The following FAT3 variants were observed in gnomAD, a reference collection of about 807,000 sequenced individuals.
FAT3 encodes the protein protocadherin Fat 3.
FAT3 carries 95 observed loss-of-function variants against 310.2 expected under a neutral mutation model. The ratio of observed to expected loss-of-function variants is 0.31; its 90% CI spans 0.26 to 0.36. The LOEUF is 0.36. Among genes scored for constraint, FAT3 ranks in the 10% least tolerant of loss-of-function variants. The pLI is 1.00. For synonymous variants in FAT3, 2,314 were observed against 2,192.9 expected, an observed-to-expected ratio of 1.06 and a Z score of -1.54; for missense variants, 5,408 against 5,715.6, an observed-to-expected ratio of 0.95 and a Z score of 1.74.
At chr11:92,290,005 C>G (rs1291133096) in intron 1 of FAT3, among the ~76,000 whole-genome samples, 1 of 152,138 alleles carries the variant, frequency 6.6e-6, no homozygotes, top group Non-Finnish European at 1.5e-5. Flanking sequence ...TTTTGACACA[C>G]TGTCCCCTCT....
intron 3 of FAT3, among the ~76,000 whole-genome samples, chr11:92,578,590 G>A (rs1938616230): frequency 1.3e-5 from 2 of 152,110 alleles, no homozygotes; most frequent in African/African-American, 4.8e-5. Context: ...TTTGATAATG[G>A]ACTGCAAATT....
chr11:92,514,540 G>A (rs1031632883), intron 2 of FAT3, among the ~76,000 whole-genome samples: 14 of 152,120 alleles, frequency 9.2e-5, no homozygotes, highest in African/African-American at 2.9e-4. Flanking sequence ...TTTTCACTGA[G>A]CAGTACTACC....
Position 92,850,939 on chromosome 11 carries a change from A to C in FAT3, c.11365+6207A>C, listed in dbSNP as rs1948813616. Among the ~76,000 whole-genome samples, 4 of 152,224 alleles carry C rather than the reference A, an allele frequency of 2.6e-5. No individual in the cohort carries two copies. The South Asian group carries it at 8.3e-4, about 32-fold the overall frequency. Reference sequence around the variant, plus strand: ...GAATTGCCTGTTGTCACCTCTACAGAAAGTGACCTAAATTTCCACCTGAGC... The same window carrying C: ...GAATTGCCTGTTGTCACCTCTACAGCAAGTGACCTAAATTTCCACCTGAGC... On this transcript the variant is annotated intron_variant, in intron 19 of 27. Transcript: ENST00000525166.
intron 7 of FAT3, among the ~76,000 whole-genome samples, chr11:92,783,627 C>T (rs1434543003): frequency 3.3e-5 from 5 of 151,420 alleles, no homozygotes; most frequent in Admixed American, 1.3e-4. Context: ...GGTAACATAG[C>T]GAGGACTCAT....
At chr11:92,293,066 AAGGAAGGAAGGAAAGAAG>A (rs1219485943) in intron 1 of FAT3, among the ~76,000 whole-genome samples, 9 of 144,004 alleles carry the variant, frequency 6.2e-5, no homozygotes, top group African/African-American at 1.9e-4. Flanking sequence ...GGAAGGAAGG[AAGGAAGGAAGGAAAGAAG>A]GAAGGAAGGA....
At chr11:92,876,730 T>C (rs547268532) in intron 22 of FAT3, among the ~76,000 whole-genome samples, 2 of 152,244 alleles carry the variant, frequency 1.3e-5, no homozygotes, top group African/African-American at 4.8e-5. Flanking sequence ...TGTGAACCTA[T>C]GAACACACAA....
chr11:92,731,749 G>A (rs1373031662), intron 4 of FAT3, among the ~76,000 whole-genome samples: 1 of 151,518 alleles, frequency 6.6e-6, no homozygotes, highest in Non-Finnish European at 1.5e-5. Flanking sequence ...CAAGGGCACA[G>A]TTAGCTATGC....
intron 3 of FAT3, among the ~76,000 whole-genome samples, chr11:92,648,135 T>A (rs1004851149): frequency 6.6e-6 from 1 of 152,178 alleles, no homozygotes; most frequent in African/African-American, 2.4e-5. Context: ...TCATGCTCTA[T>A]TCCTATGACA....
chr11:92,845,000 G>A (rs545660356), intron 19 of FAT3, among the ~76,000 whole-genome samples: 66 of 152,224 alleles, frequency 4.3e-4, no homozygotes, highest in East Asian at 1.4e-3. Context: ...GGAGGACCCA[G>A]CCGATAGGGA....
intron 2 of FAT3, among the ~76,000 whole-genome samples, chr11:92,399,676 G>A (rs1363784434): frequency 6.6e-6 from 1 of 152,116 alleles, no homozygotes; most frequent in Non-Finnish European, 1.5e-5. Context: ...ATGGGCATGG[G>A]TTCGTATTTT....
At chr11:92,740,114 T>A (rs923303830) in intron 4 of FAT3, among the ~76,000 whole-genome samples, 2 of 152,200 alleles carry the variant, frequency 1.3e-5, no homozygotes, top group African/African-American at 2.4e-5. Flanking sequence ...TTGATCATGA[T>A]AATAACACTC....
chr11:92,314,978 G>T (rs984671867), intron 1 of FAT3, among the ~76,000 whole-genome samples: 2 of 151,908 alleles, frequency 1.3e-5, no homozygotes, highest in Middle Eastern at 3.4e-3. Flanking sequence ...ATGGTACCTG[G>T]GTATGTCAGC....
At position 92,890,815 on chromosome 11, in the gene FAT3, G is replaced by A. The variant is rs761581116; in HGVS notation, c.13472G>A (p.Ser4491Asn). The stretch of plus-strand genomic sequence containing the variant: ...AGGAGAAGGCCCCAGTTTCATCCTA[G>A]CCAGTATCTCCCTCCTCACCCATTC... The part of the protein sequence containing the change: ...DCRRRPQFHP[S>N]QYLPPHPFPN... The change falls in exon 28 of 28, where the codon AGC becomes AAC. Residue 4491 changes from serine to asparagine, a missense_variant. Physicochemically the swap from Ser to Asn is conservative, Grantham distance 46. This residue lies in a region of FAT3 where 649 missense variants were observed against 666.2 expected (regional missense o/e 0.97). Transcript: ENST00000525166. The A allele has an allele frequency of 6.2e-7, 1 of 1,613,388 alleles. No homozygotes were observed. The highest frequency in any genetic ancestry group is 1.3e-5 in the African/African-American group (1 of 74,728).
At position 92,834,002 on chromosome 11, in the gene FAT3, G is replaced by T. The variant is rs187922979; in HGVS notation, c.9872-868G>T. Reference sequence around the variant, plus strand: ...GTCTTAGCAACTAGAGAAGTTGCCTGTCTGGAAATGTGAATGGTCATGACC... The same window carrying T: ...GTCTTAGCAACTAGAGAAGTTGCCTTTCTGGAAATGTGAATGGTCATGACC... On this transcript the variant is annotated intron_variant, in intron 14 of 27. Transcript: ENST00000525166. Among the ~76,000 whole-genome samples, 5 of 152,298 alleles carry T rather than the reference G, an allele frequency of 3.3e-5. No individual in the cohort carries two copies. In the East Asian group the frequency reaches 9.6e-4, roughly 29 times the overall value.
intron 1 of FAT3, among the ~76,000 whole-genome samples, chr11:92,330,283 A>T (rs1000437980): frequency 7.9e-5 from 12 of 152,192 alleles, no homozygotes; most frequent in African/African-American, 2.9e-4. Flanking sequence ...TGATTGCAGA[A>T]TTTGGCATTA....
rs141286723 is a variant in FAT3, at chr11:92,241,801, A to G, written c.-18+16627A>G. 3.9e-3 allele frequency among the ~76,000 whole-genome samples: 598 copies of G among 152,178 alleles called. 3 individuals carry two copies. Among genetic ancestry groups the G allele is most frequent in the African/African-American group, 0.014 (577 of 41,534 alleles). On this transcript the variant is annotated intron_variant, in intron 1 of 27. Transcript: ENST00000525166. ...TAAAAGTAAAATTAAAAAAAATCCC[A>G]TTTGAATGAGCCTTTTGAAGTTTGA...
At chr11:92,823,166 T>G (rs950271594) in intron 13 of FAT3, among the ~76,000 whole-genome samples, 2 of 152,156 alleles carry the variant, frequency 1.3e-5, no homozygotes, top group African/African-American at 4.8e-5. Context: ...ATTTCTTGGA[T>G]GAATGAATGA....
rs753129299 is a variant in FAT3, at chr11:92,354,760, C to G, written c.2648C>G (p.Thr883Ser). The change falls in exon 2 of 28, where the codon ACT (threonine) becomes AGT (serine). Residue 883 changes from threonine to serine, a missense_variant. Physicochemically the swap from Thr to Ser is moderately conservative, Grantham distance 58. Transcript: ENST00000525166. The part of the protein sequence containing the change: ...DTQQFAINSS[T>S]GIVYVADQLD... ...CAGCAGTTTGCCATCAATAGCTCAACTGGAATCGTTTATGTAGCCGACCAG... is the reference window on the plus strand; with the variant it reads ...CAGCAGTTTGCCATCAATAGCTCAAGTGGAATCGTTTATGTAGCCGACCAG... The G allele has an allele frequency of 9.3e-6, 15 of 1,613,810 alleles. No homozygotes were observed. The highest frequency in any genetic ancestry group is 6.6e-5 in the South Asian group (6 of 91,084).
chr11:92,552,306 A>G (rs902920440), intron 3 of FAT3, among the ~76,000 whole-genome samples: 3 of 152,220 alleles, frequency 2.0e-5, no homozygotes, highest in Non-Finnish European at 2.9e-5. Flanking sequence ...TGTGTTTTTA[A>G]TGAATTACAA....
Sources: gnomAD v4.1 joint callset for allele counts (sites outside exome capture counted in the v4.1 genomes callset) on GRCh38, gnomAD v4.1.1 for gene constraint, gnomAD v4.1.1 regional missense constraint, MANE v1.5 for transcripts, NCBI Gene and HGNC (gene_info 2026-07-23, HGNC 2026-07-21) for gene names.